REST: variants seen among roughly 807,000 people sequenced by gnomAD.
The protein encoded by REST is RE1 silencing transcription factor.
In REST, 1 loss-of-function variant was observed where a neutral mutation model predicts 30.4. The observed-to-expected ratio is 0.03, with a 90% CI of 0.01 to 0.16. REST has a LOEUF of 0.16. Ranked by LOEUF, REST falls within the 10% of genes least tolerant of loss-of-function variation. REST has a pLI of 1.00. For missense variants in REST, 1,259 were observed against 1,329.5 expected (o/e 0.95, Z 0.82); for synonymous variants, 504 against 451.1 (o/e 1.12, Z -1.49).
intron 3 of REST, among the ~76,000 whole-genome samples, chr4:56,924,747 G>A (rs1211545253): frequency 6.6e-6 from 1 of 152,196 alleles, no homozygotes; most frequent in East Asian, 1.9e-4. Context: ...ACAGGCATGA[G>A]CCACTGCACC....
In REST at chr4:56,907,911, A is replaced by AGCGTC; in HGVS notation, c.-311_-307dup. ...GCGGCGCGGACTGGGTGCGCGGCGC[A>AGCGTC]GCGTCCTGTGTTGGAATGTGCGGCT... is the stretch of plus-strand genomic sequence containing the variant. On this transcript the variant is annotated 5_prime_UTR_variant, in exon 1 of 4. Coordinates refer to ENST00000309042, the MANE Select transcript of REST (RefSeq NM_005612.5). The AGCGTC allele has an allele frequency of 4.7e-6, 1 of 214,642 alleles. No individual in the cohort carries two copies. 13.3% of individuals were successfully genotyped at this position (214,642 alleles called of 1,614,324 possible). A position where few individuals can be genotyped will look rare whatever the true frequency, so the allele number is the denominator to read the frequency against.
At chr4:56,924,292 A>G (rs995649585) in intron 3 of REST, among the ~76,000 whole-genome samples, 2 of 152,194 alleles carry the variant, frequency 1.3e-5, no homozygotes, top group Admixed American at 6.5e-5. Context: ...ATTGAGATAT[A>G]ATTTATAAAT....
At position 56,908,060 on chromosome 4, in the gene REST, C is replaced by A; in HGVS notation, c.-163C>A. On this transcript the variant is annotated 5_prime_UTR_variant, in exon 1 of 4. Transcript: ENST00000309042. The stretch of plus-strand genomic sequence containing the variant: ...CCGGAGGCCTGAGCACCCTCTGCAG[C>A]CCCACTCCTGGGCCTTCTTGGTCCA... The A allele has an allele frequency of 2.8e-6, 1 of 359,426 alleles. No homozygotes were observed. The highest frequency in any genetic ancestry group is 3.9e-5 in the East Asian group (1 of 25,740). The allele number at this position is 359,426 out of a possible 1,614,324, so 22.3% of individuals were successfully genotyped here.
At chr4:56,908,342 C>A in intron 1 of REST, 129 bp downstream of exon 1, 1 of 160,610 alleles carries the variant, frequency 6.2e-6, no homozygotes, top group Non-Finnish European at 1.4e-5. Context: ...TTTGCAGATA[C>A]TGTGGCTCCG....
chr4:56,911,123 A>G lies in REST; in HGVS notation c.485A>G (p.Lys162Arg). 6.2e-7 allele frequency: 1 copy of G among 1,614,230 alleles called. No homozygotes were observed. Among genetic ancestry groups the G allele is most frequent in the East Asian group, 2.2e-5 (1 of 44,884 alleles). The change falls in exon 2 of 4, where the codon AAG becomes AGG. Residue 162 changes from lysine (K) to arginine (R), a missense_variant. Around this residue, in one of 5 missense-constraint regions of REST, gnomAD observed 249 missense variants for 251.5 expected, o/e 0.99. Transcript: ENST00000309042. The part of the protein sequence containing the change: ...KSSKTKPFRC[K>R]PCQYEAESEE... ...TCGAAGACCAAACCCTTTCGCTGTA[A>G]GCCATGCCAATATGAAGCAGAATCT...
chr4:56,910,563 T>C, intron 1 of REST, 67 bp from the exon 2 acceptor site: 1 of 1,317,776 alleles, frequency 7.6e-7, no homozygotes, highest in South Asian at 1.5e-5. Context: ...ATTACAGCGA[T>C]GTGGTTTTAA....
At chr4:56,915,496 C>G (rs1720155380) in intron 2 of REST, among the ~76,000 whole-genome samples, 1 of 152,026 alleles carries the variant, frequency 6.6e-6, no homozygotes, top group Admixed American at 6.6e-5. Context: ...GATCAGCTGA[C>G]CTCGGCCTCT....
rs1578514334 is a variant in REST at position 56,930,684 on chromosome 4, A to G, written c.1826A>G (p.Asp609Gly). The G allele has an allele frequency of 6.2e-7, 1 of 1,612,602 alleles. No individual in the cohort carries two copies. Among genetic ancestry groups the G allele is most frequent in the Non-Finnish European group, 8.5e-7 (1 of 1,179,618 alleles). Residue 609 changes from aspartate to glycine, a missense_variant, in exon 4 of 4, where the codon GAC becomes GGC. By Grantham distance (94) the Asp-to-Gly change is moderately conservative. Transcript: ENST00000309042. ...GTTGAGAAGGGATCTGCTCAGATGG[A>G]CCCTCCTCAGATGGGGCCTGCTCCC... ...EPVEKGSAQM[D>G]PPQMGPAPTE...
chr4:56,919,433 T>A (rs1214660181), intron 2 of REST, among the ~76,000 whole-genome samples: 1 of 152,188 alleles, frequency 6.6e-6, no homozygotes, highest in Non-Finnish European at 1.5e-5. Context: ...GTAGATTTTT[T>A]AAAAGGTGAT....
chr4:56,915,270 G>A (rs1258708883), intron 2 of REST, among the ~76,000 whole-genome samples: 1 of 114,976 alleles, frequency 8.7e-6, no homozygotes, highest in Non-Finnish European at 1.7e-5. Context: ...TTTTGAGATG[G>A]AGTCTTGCTC....
chr4:56,931,659 T>C lies in REST; in HGVS notation c.2801T>C (p.Leu934Ser), dbSNP rs769193151. The C allele has an allele frequency of 1.1e-5, 18 of 1,614,216 alleles. No homozygotes were observed. In the East Asian group the frequency reaches 4.0e-4, roughly 36 times the overall value. The change falls in exon 4 of 4, where the codon TTA (leucine) becomes TCA (serine). Residue 934 changes from leucine to serine, a missense_variant. Coordinates refer to ENST00000309042, the MANE Select transcript of REST (RefSeq NM_005612.5). ...TTGAATACGCCAGAGGGTGAAACTT[T>C]AAATGGTAAACATCAGACTGACAGT... Reference protein sequence around the residue: ...QNLNTPEGETLNGKHQTDSIV... With the variant: ...QNLNTPEGETSNGKHQTDSIV...
At position 56,908,040 on chromosome 4, in the gene REST, G is replaced by A. The variant is rs1404530805; in HGVS notation, c.-183G>A. 8.1e-6 allele frequency: 3 copies of A among 368,356 alleles called. No homozygotes were observed. The highest frequency in any genetic ancestry group is 1.5e-5 in the Non-Finnish European group (3 of 206,314). The allele number at this position is 368,356 out of a possible 1,614,324, so 22.8% of individuals were successfully genotyped here. A position where few individuals can be genotyped will look rare whatever the true frequency, so the allele number is the denominator to read the frequency against. On this transcript the variant is annotated 5_prime_UTR_variant, in exon 1 of 4. Coordinates refer to ENST00000309042, the MANE Select transcript of REST (RefSeq NM_005612.5). ...CCGAGACGGCAGGGCGAGGCCCGGA[G>A]GCCTGAGCACCCTCTGCAGCCCCAC...
intron 2 of REST, among the ~76,000 whole-genome samples, chr4:56,913,585 C>T (rs1268377483): frequency 2.0e-5 from 3 of 152,146 alleles, no homozygotes; most frequent in African/African-American, 7.2e-5. Flanking sequence ...CTGAACCCCA[C>T]TGGTAAAGGG....
chr4:56,927,109 AAAG>A (rs1044508810), intron 3 of REST, among the ~76,000 whole-genome samples: 11 of 151,940 alleles, frequency 7.2e-5, no homozygotes, highest in Non-Finnish European at 1.5e-4. Flanking sequence ...GAAAAAAAAA[AAAG>A]AAAGAAATTG....
At chr4:56,915,894 A>G (rs1343715711) in intron 2 of REST, among the ~76,000 whole-genome samples, 1 of 152,208 alleles carries the variant, frequency 6.6e-6, no homozygotes, top group East Asian at 1.9e-4. Flanking sequence ...CACAGGGGAA[A>G]ACTTCAGATT....
Position 56,930,756 on chromosome 4 carries a change from C to G in REST, c.1898C>G (p.Pro633Arg). 6.2e-7 allele frequency: 1 copy of G among 1,603,784 alleles called. No homozygotes were observed. The highest frequency in any genetic ancestry group is 8.5e-7 in the Non-Finnish European group (1 of 1,176,696). ...KGPVQVEPPPPMEHAQMEGAQ... is the reference protein window; with the variant it reads ...KGPVQVEPPPRMEHAQMEGAQ... ...CCCGTTCAGGTGGAGCCGCCACCTC[C>G]CATGGAGCATGCTCAGATGGAGGGT... is the stretch of plus-strand genomic sequence containing the variant. Residue 633 changes from proline (P) to arginine (R), a missense_variant, in exon 4 of 4, where the codon CCC (proline) becomes CGC (arginine). Coordinates refer to ENST00000309042, the MANE Select transcript of REST (RefSeq NM_005612.5).
At chr4:56,928,308 A>G (rs1295763154) in intron 3 of REST, among the ~76,000 whole-genome samples, 1 of 152,142 alleles carries the variant, frequency 6.6e-6, no homozygotes, top group African/African-American at 2.4e-5. Context: ...GGGTTTCACC[A>G]TGTTGGCCAG....
At chr4:56,917,232 C>A (rs1341959546) in intron 2 of REST, among the ~76,000 whole-genome samples, 2 of 152,190 alleles carry the variant, frequency 1.3e-5, no homozygotes, top group African/African-American at 4.8e-5. Context: ...TCTGTTGCTA[C>A]CAACTCTTTA....
chr4:56,916,631 C>T (rs367853692), intron 2 of REST, among the ~76,000 whole-genome samples: 41 of 151,820 alleles, frequency 2.7e-4, no homozygotes, highest in Admixed American at 1.6e-3. Context: ...AGCGAGACTG[C>T]GTCTCAAAAA....
Sources: gnomAD v4.1 joint callset for allele counts (sites outside exome capture counted in the v4.1 genomes callset) on GRCh38, gnomAD v4.1.1 for gene constraint, gnomAD v4.1.1 regional missense constraint, MANE v1.5 for transcripts, NCBI Gene and HGNC (gene_info 2026-07-23, HGNC 2026-07-21) for gene names.